MBP: variants seen among roughly 807,000 people sequenced by gnomAD.
The protein encoded by MBP is myelin basic protein.
In MBP, 16 loss-of-function variants were observed where a neutral mutation model predicts 35.8. That is an observed-to-expected ratio of 0.45 (90% CI 0.30 to 0.68). The LOEUF is 0.68. MBP is among the 30% of genes least tolerant of loss of function. MBP has a pLI of 0.08. For synonymous variants in MBP, 143 were observed against 159.6 expected, an observed-to-expected ratio of 0.90 and a Z score of 0.78; for missense variants, 380 against 404.7, an observed-to-expected ratio of 0.94 and a Z score of 0.52.
intron 3 of MBP, among the ~76,000 whole-genome samples, chr18:77,049,798 G>A (rs1225246589): frequency 6.6e-6 from 1 of 152,056 alleles, no homozygotes; most frequent in Non-Finnish European, 1.5e-5. Context: ...TCCTGCCTCA[G>A]CTTCCCGAGT....
At chr18:77,079,364 G>A (rs1204726186) in intron 2 of MBP, among the ~76,000 whole-genome samples, 1 of 152,206 alleles carries the variant, frequency 6.6e-6, no homozygotes, top group Non-Finnish European at 1.5e-5. Flanking sequence ...TGGGGGAGCA[G>A]GGCTTAGGGC....
intron 1 of MBP, among the ~76,000 whole-genome samples, chr18:77,124,666 G>C (rs1198009639): frequency 6.6e-6 from 1 of 152,228 alleles, no homozygotes; most frequent in Non-Finnish European, 1.5e-5. Context: ...CAGGAGATAG[G>C]AGATAGGGCT....
intron 3 of MBP, among the ~76,000 whole-genome samples, chr18:77,057,514 C>T (rs1486640327): frequency 1.3e-5 from 2 of 152,136 alleles, no homozygotes; most frequent in African/African-American, 4.8e-5. Context: ...AATATTCCCA[C>T]GGAAAGGCCG....
intron 3 of MBP, among the ~76,000 whole-genome samples, chr18:77,058,751 G>A (rs548055761): frequency 9.8e-5 from 15 of 152,370 alleles, no homozygotes; most frequent in African/African-American, 3.6e-4. Flanking sequence ...AAAGTCGCAG[G>A]GGACCTGGAG....
At chr18:77,103,832 C>T (rs1282350261) in intron 2 of MBP, among the ~76,000 whole-genome samples, 1 of 152,178 alleles carries the variant, frequency 6.6e-6, no homozygotes, top group African/African-American at 2.4e-5. Context: ...GTCCAGAACC[C>T]CGATTCAGGG....
At chr18:77,014,978 T>C in intron 4 of MBP, 1 of 985,006 alleles carries the variant, frequency 1.0e-6, no homozygotes, top group Non-Finnish European at 1.2e-6. Flanking sequence ...GGGTCCTTGA[T>C]AATTGGCCAG....
chr18:77,110,337 A>C (rs1568344518), intron 1 of MBP: 1 of 152,240 alleles, frequency 6.6e-6, no homozygotes, highest in Non-Finnish European at 1.5e-5. Flanking sequence ...TCAGCACCTG[A>C]GAACTTCTTA....
chr18:76,980,628 A>C, intron 8 of MBP, 157 bp from the exon 9 acceptor site: 1 of 622,134 alleles, frequency 1.6e-6, no homozygotes, highest in Non-Finnish European at 2.9e-6. Flanking sequence ...TTTTCATTCC[A>C]TTTCTCCCGA....
At chr18:76,995,347 C>T (rs188574963) in intron 4 of MBP, among the ~76,000 whole-genome samples, 9 of 152,302 alleles carry the variant, frequency 5.9e-5, no homozygotes, top group Non-Finnish European at 8.8e-5. Context: ...GATTCTAAAA[C>T]TGTATGGAAA....
At chr18:77,095,233 A>G (rs974951108) in intron 2 of MBP, 1 of 152,234 alleles carries the variant, frequency 6.6e-6, no homozygotes, top group African/African-American at 2.4e-5. Flanking sequence ...CAGTGCCTGC[A>G]TGTGTCCAAG....
In MBP at chr18:76,988,089, G is replaced by A; in HGVS notation, c.750+406C>T. 6.7e-7 allele frequency: 1 copy of A among 1,487,456 alleles called. No homozygotes were observed. The highest frequency in any genetic ancestry group is 1.3e-5 in the South Asian group (1 of 76,996). 92.1% of individuals were successfully genotyped at this position (1,487,456 alleles called of 1,614,324 possible). The stretch of plus-strand genomic sequence containing the variant: ...CATTTTCCCAGTGTCAGCATCTGGG[G>A]TCACTGAGACGGGCCAGCCAGTCCC... On this transcript the variant is annotated intron_variant, in intron 7 of 8. Coordinates refer to ENST00000355994, the MANE Select transcript of MBP (RefSeq NM_001025101.2). This position sits in a 1 kb window ranked among gnomAD's most constrained non-coding sequence, Gnocchi z 5.2.
rs1599200770 is a variant in MBP at position 77,079,502 on chromosome 18, T to C, written c.52-13117A>G. ...TCTCACTTTGCATTTCCTTACTGGG[T>C]AATGAGATTGCGCATATTTTCATGT... On this transcript the variant is annotated intron_variant, in intron 2 of 8. Coordinates refer to ENST00000355994, the MANE Select transcript of MBP (RefSeq NM_001025101.2). Among the ~76,000 whole-genome samples, 3 of 152,352 alleles carry C rather than the reference T, an allele frequency of 2.0e-5. 1 individual carries two copies. The Middle Eastern group carries it at 0.01, about 518-fold the overall frequency.
chr18:77,027,224 G>A (rs1972258840), intron 3 of MBP, among the ~76,000 whole-genome samples: 1 of 152,018 alleles, frequency 6.6e-6, no homozygotes, highest in Non-Finnish European at 1.5e-5. Flanking sequence ...CCATGTACTG[G>A]GAATATAATT....
At chr18:77,036,901 C>T (rs1972794689) in intron 3 of MBP, among the ~76,000 whole-genome samples, 1 of 86,452 alleles carries the variant, frequency 1.2e-5, no homozygotes. Context: ...CTGAGCTGAG[C>T]AAGTGCTGGT....
intron 1 of MBP, chr18:77,110,074 T>G (rs937888633): frequency 2.0e-5 from 3 of 152,238 alleles, no homozygotes; most frequent in Admixed American, 2.0e-4. Context: ...GGAATAACCC[T>G]GTAAGCTTCA....
chr18:77,127,594 G>A (rs1977093922), intron 1 of MBP: 1 of 152,174 alleles, frequency 6.6e-6, no homozygotes, highest in Non-Finnish European at 1.5e-5. Context: ...TGTGAAGAGG[G>A]TGAAAAAACA....
chr18:77,120,550 C>G (rs1184842744), intron 1 of MBP, among the ~76,000 whole-genome samples: 1 of 152,244 alleles, frequency 6.6e-6, no homozygotes, highest in Non-Finnish European at 1.5e-5. Flanking sequence ...CCTGGCTTCT[C>G]CCTGCCAGTT....
chr18:77,040,486 CA>C (rs1972948221), intron 3 of MBP, among the ~76,000 whole-genome samples: 1 of 152,068 alleles, frequency 6.6e-6, no homozygotes, highest in Non-Finnish European at 1.5e-5. Context: ...AATCCTAGGC[CA>C]AAAGAACAAA....
intron 2 of MBP, among the ~76,000 whole-genome samples, chr18:77,091,604 C>T (rs1401466737): frequency 1.3e-5 from 2 of 151,824 alleles, no homozygotes; most frequent in Non-Finnish European, 2.9e-5. Flanking sequence ...CACACACACA[C>T]ACACACCCAC....
Sources: allele counts gnomAD v4.1 joint callset (sites outside exome capture counted in the v4.1 genomes callset), GRCh38; gene constraint gnomAD v4.1.1; non-coding constraint Gnocchi (gnomAD v3.1); transcripts MANE v1.5; gene names NCBI Gene and HGNC (gene_info 2026-07-23, HGNC 2026-07-21).